The following TNRC6B variants were observed in gnomAD, a reference collection of about 807,000 sequenced individuals.
TNRC6B encodes the protein trinucleotide repeat-containing gene 6B protein.
In TNRC6B, 52 loss-of-function variants were observed where a neutral mutation model predicts 203.6. That is an observed-to-expected ratio of 0.26 (90% confidence interval 0.20 to 0.32). The LOEUF (loss-of-function observed/expected upper bound fraction) is 0.32. Among genes scored for constraint, TNRC6B ranks in the 10% least tolerant of loss-of-function variants. TNRC6B has a pLI of 1.00. For synonymous variants in TNRC6B, 838 were observed against 845.7 expected (o/e 0.99, Z 0.16); for missense variants, 1,923 against 2,286.2 (o/e 0.84, Z 3.24).
intron 2 of TNRC6B, among the ~76,000 whole-genome samples, chr22:40,117,405 C>T (rs998290607): frequency 1.5e-4 from 23 of 152,194 alleles, no homozygotes; most frequent in African/African-American, 2.2e-4. Context: ...GTTCCCCTAG[C>T]GTCTCTGTCT....
Position 40,266,219 on chromosome 22 carries a change from A to G in TNRC6B, c.1989A>G (p.Ser663=), listed in dbSNP as rs1182302095. 1.2e-6 allele frequency: 2 copies of G among 1,608,598 alleles called. No homozygotes were observed. Among genetic ancestry groups the G allele is most frequent in the South Asian group, 1.1e-5 (1 of 90,478 alleles). ...GCGCTGCCACACAGACCAAGAACTCAGGGGGCTGGGGAGATGCACCCAGCC... is the reference window on the plus strand; with the variant it reads ...GCGCTGCCACACAGACCAAGAACTCGGGGGGCTGGGGAGATGCACCCAGCC... ...WESAATQTKN[S]GGWGDAPSQS... is the part of the protein sequence containing the mutation. Residue 663 remains serine (S), a synonymous_variant, in exon 5 of 23, where the codon TCA becomes TCG. Transcript: ENST00000454349.
At chr22:40,140,695 T>C (rs1290900952) in intron 3 of TNRC6B, among the ~76,000 whole-genome samples, 1 of 151,834 alleles carries the variant, frequency 6.6e-6, no homozygotes, top group Non-Finnish European at 1.5e-5. Flanking sequence ...CAGGCTGGAG[T>C]CATGATACAG....
In TNRC6B at chr22:40,327,708, AC is replaced by A. The variant is rs2071421050; in HGVS notation, c.*4468del. ...GCCATGTCTACTAAGAGGTTAGATGACTTCAGTATACTTATAAAATTCAGTG... is the reference window on the plus strand; with the variant it reads ...GCCATGTCTACTAAGAGGTTAGATGATTCAGTATACTTATAAAATTCAGTG... On this transcript the variant is annotated 3_prime_UTR_variant, in exon 23 of 23. Coordinates refer to ENST00000454349, the MANE Select transcript of TNRC6B (RefSeq NM_001162501.2). The A allele has an allele frequency of 6.6e-6, 1 of 152,220 alleles. No homozygotes were observed. The highest frequency in any genetic ancestry group is 1.5e-5 in the Non-Finnish European group (1 of 68,044). 9.4% of individuals were successfully genotyped at this position (152,220 alleles called of 1,614,324 possible). A position where few individuals can be genotyped will look rare whatever the true frequency, so the allele number is the denominator to read the frequency against.
Position 40,246,066 on chromosome 22 carries a change from G to A in TNRC6B, c.57G>A (p.Lys19=). 6.5e-7 allele frequency: 1 copy of A among 1,535,248 alleles called. No homozygotes were observed. Among genetic ancestry groups the A allele is most frequent in the East Asian group, 2.5e-5 (1 of 40,034 alleles). Residue 19 remains lysine, a synonymous_variant, in exon 2 of 23, where the codon AAG becomes AAA. Coordinates refer to ENST00000454349, the MANE Select transcript of TNRC6B (RefSeq NM_001162501.2). ...AGTTAATGGAAGACAAGAAAAGGAA[G>A]AAAGAGGATAAAAAGAAAAAAGAAG... is the stretch of plus-strand genomic sequence containing the variant. The part of the protein sequence containing the change: ...EEQLMEDKKR[K]KEDKKKKEAT...
chr22:40,255,224 G>A (rs985953768), intron 3 of TNRC6B, among the ~76,000 whole-genome samples: 7 of 152,216 alleles, frequency 4.6e-5, no homozygotes, highest in African/African-American at 1.7e-4. Flanking sequence ...CCAATGGTGA[G>A]TCAAAGCCAA....
chr22:40,205,013 T>A (rs1426432393), intron 1 of TNRC6B, among the ~76,000 whole-genome samples: 1 of 152,232 alleles, frequency 6.6e-6, no homozygotes, highest in Non-Finnish European at 1.5e-5. Flanking sequence ...TTGAAGACAG[T>A]ATACAACTAT....
At chr22:40,077,142 A>G (rs986875613) in intron 1 of TNRC6B, among the ~76,000 whole-genome samples, 1 of 151,926 alleles carries the variant, frequency 6.6e-6, no homozygotes, top group African/African-American at 2.4e-5. Context: ...ACTTCTTCCT[A>G]TACAGTATCG....
At chr22:40,210,300 T>C (rs369243673) in intron 1 of TNRC6B, among the ~76,000 whole-genome samples, 1 of 152,250 alleles carries the variant, frequency 6.6e-6, no homozygotes. Context: ...GAAAAAGCTG[T>C]TGTCTCTCAG....
intron 1 of TNRC6B, among the ~76,000 whole-genome samples, chr22:40,211,698 C>T (rs2069566024): frequency 6.6e-6 from 1 of 152,182 alleles, no homozygotes; most frequent in Non-Finnish European, 1.5e-5. Context: ...AGCCAGCCGT[C>T]CCAGAACGGG....
chr22:40,208,712 T>C (rs4239893), intron 1 of TNRC6B, among the ~76,000 whole-genome samples: 103,392 of 152,074 alleles, frequency 0.68, 36,922 homozygotes, highest in African/African-American at 0.91. Context: ...AAAGTTATTT[T>C]GTATGTATTA....
At chr22:40,081,042 TG>T (rs558876859) in intron 1 of TNRC6B, among the ~76,000 whole-genome samples, 32 of 151,654 alleles carry the variant, frequency 2.1e-4, no homozygotes, top group Non-Finnish European at 4.1e-4. Context: ...TTTTAGTGTG[TG>T]GGGGGGTGCG....
In TNRC6B at chr22:40,325,184, A is replaced by C. The variant is rs140341933; in HGVS notation, c.*1943A>C. On this transcript the variant is annotated 3_prime_UTR_variant, in exon 23 of 23. Transcript: ENST00000454349. ...GGAGCAGACCTCTACTGTCCTCTGT[A>C]ACTTGCTGCTATTGAGGACAAGGGA... The C allele has an allele frequency of 5.9e-5, 9 of 152,760 alleles. No individual in the cohort carries two copies. The highest frequency in any genetic ancestry group is 2.2e-4 in the African/African-American group (9 of 41,550). The allele number at this position is 152,760 out of a possible 1,614,324, so 9.5% of individuals were successfully genotyped here.
chr22:40,170,812 C>CCT (rs2068981197), intron 4 of TNRC6B, among the ~76,000 whole-genome samples: 7 of 45,650 alleles, frequency 1.5e-4, no homozygotes, highest in African/African-American at 4.8e-4. Context: ...CATATATGTA[C>CCT]ATATATGTGT....
intron 1 of TNRC6B, among the ~76,000 whole-genome samples, chr22:40,206,246 A>G (rs2069476449): frequency 6.6e-6 from 1 of 152,160 alleles, no homozygotes; most frequent in South Asian, 2.1e-4. Context: ...TTATTGGTGT[A>G]AGTATATGAT....
At chr22:40,294,229 G>A (rs1190151159) in intron 12 of TNRC6B, among the ~76,000 whole-genome samples, 1 of 152,100 alleles carries the variant, frequency 6.6e-6, no homozygotes, top group African/African-American at 2.4e-5. Context: ...CTCCAGTCTG[G>A]ACAATAGAGT....
rs996878690 is a variant in TNRC6B, at chr22:40,330,693, ATTAC to A, written c.*7456_*7459del. The A allele has an allele frequency of 3.3e-5, 5 of 152,662 alleles. No individual in the cohort carries two copies. The highest frequency in any genetic ancestry group is 1.2e-4 in the African/African-American group (5 of 41,460). 9.5% of individuals were successfully genotyped at this position (152,662 alleles called of 1,614,324 possible). A position where few individuals can be genotyped will look rare whatever the true frequency, so the allele number is the denominator to read the frequency against. On this transcript the variant is annotated 3_prime_UTR_variant, in exon 23 of 23. Coordinates refer to ENST00000454349, the MANE Select transcript of TNRC6B (RefSeq NM_001162501.2). The stretch of plus-strand genomic sequence containing the variant: ...GCCCTTTTTAAATTTTGTCTAAGGA[ATTAC>A]TTAAGTATAGTATTTCTGAATGTGC...
chr22:40,289,920 TC>T (rs2070847127), intron 12 of TNRC6B, among the ~76,000 whole-genome samples: 1 of 152,234 alleles, frequency 6.6e-6, no homozygotes, highest in Admixed American at 6.5e-5. Context: ...CTATAGGAGT[TC>T]AGGCCAAAAA....
At chr22:40,085,954 T>A (rs1295690573) in intron 1 of TNRC6B, among the ~76,000 whole-genome samples, 1 of 152,076 alleles carries the variant, frequency 6.6e-6, no homozygotes, top group South Asian at 2.1e-4. Context: ...TATGGCAGCC[T>A]AAACCTCCCG....
chr22:40,126,227 GT>G (rs1171622262), intron 3 of TNRC6B, among the ~76,000 whole-genome samples: 1 of 152,110 alleles, frequency 6.6e-6, no homozygotes, highest in Non-Finnish European at 1.5e-5. Context: ...TAATTTTTAG[GT>G]GTTTTTCTAT....
Sources: allele counts gnomAD v4.1 joint callset (sites outside exome capture counted in the v4.1 genomes callset), GRCh38; gene constraint gnomAD v4.1.1; transcripts MANE v1.5; gene names NCBI Gene and HGNC (gene_info 2026-07-23, HGNC 2026-07-21).